The following CFAP299 variants were observed in gnomAD, a reference collection of about 807,000 sequenced individuals.
CFAP299 encodes cilia and flagella associated protein 299, also known as cilia- and flagella-associated protein 299.
Under a neutral mutation model 27.0 loss-of-function variants are expected in CFAP299, and 21 were observed. The observed-to-expected ratio is 0.78, with a 90% CI of 0.55 to 1.12. The LOEUF (loss-of-function observed/expected upper bound fraction) is 1.12, where lower values mean the gene tolerates loss of function less well. Among genes scored for constraint, CFAP299 ranks in the 50% most tolerant of loss-of-function variants. CFAP299 has a pLI of 0.00. For synonymous variants in CFAP299, 104 were observed against 98.1 expected (o/e 1.06, Z -0.36); for missense variants, 310 against 276.6 (o/e 1.12, Z -0.86).
intron 3 of CFAP299, among the ~76,000 whole-genome samples, chr4:80,719,885 CATGTCTTG>C (rs1264352443): frequency 6.6e-6 from 1 of 152,148 alleles, no homozygotes; most frequent in East Asian, 1.9e-4. Flanking sequence ...AATAAAACTC[CATGTCTTG>C]ATAAAAAATA....
intron 2 of CFAP299, among the ~76,000 whole-genome samples, chr4:80,527,665 T>C (rs142878826): frequency 6.6e-6 from 1 of 152,168 alleles, no homozygotes; most frequent in South Asian, 2.1e-4. Flanking sequence ...TCACCGAAAC[T>C]GCATGACCCT....
chr4:80,765,311 T>C (rs1283246056), intron 3 of CFAP299, among the ~76,000 whole-genome samples: 1 of 152,116 alleles, frequency 6.6e-6, no homozygotes, highest in Non-Finnish European at 1.5e-5. Flanking sequence ...TCTCAGGAAG[T>C]TGGTCTTTAT....
chr4:80,771,377 G>T (rs1726206752), intron 3 of CFAP299, among the ~76,000 whole-genome samples: 1 of 152,154 alleles, frequency 6.6e-6, no homozygotes, highest in South Asian at 2.1e-4. Context: ...ATTTGGTACA[G>T]ACAAACTTAC....
chr4:80,340,825 G>T (rs1370057342), intron 1 of CFAP299, among the ~76,000 whole-genome samples: 1 of 151,918 alleles, frequency 6.6e-6, no homozygotes, highest in East Asian at 1.9e-4. Context: ...GCCCAGGCTG[G>T]AGTGCAATGG....
At chr4:80,338,053 A>G (rs1722243418) in intron 1 of CFAP299, among the ~76,000 whole-genome samples, 1 of 152,118 alleles carries the variant, frequency 6.6e-6, no homozygotes, top group South Asian at 2.1e-4. Flanking sequence ...TGTTTCACAA[A>G]TCATGGATCA....
At chr4:80,843,620 C>G (rs1365746565) in intron 3 of CFAP299, among the ~76,000 whole-genome samples, 3 of 151,974 alleles carry the variant, frequency 2.0e-5, no homozygotes, top group East Asian at 1.9e-4. Context: ...GGGTCAAATA[C>G]TATTTCTAGT....
chr4:80,583,550 G>A (rs1305808750), intron 3 of CFAP299, among the ~76,000 whole-genome samples: 4 of 151,804 alleles, frequency 2.6e-5, no homozygotes, highest in African/African-American at 2.4e-5. Context: ...GATTTTATGT[G>A]ACTTCTAGAA....
rs1331410165 is a variant in CFAP299 at position 80,550,760 on chromosome 4, AACACACACACACACACACACACACGCAC to A, written c.243-32322_243-32295del. ...TAAGTACTTAAAGGTATTAACTCAA[AACACACACACACACACACACACACGCAC>A]ACACACACACGCATACACATGCATA... On this transcript the variant is annotated intron_variant, in intron 2 of 5. Coordinates refer to ENST00000358105, the MANE Select transcript of CFAP299 (RefSeq NM_152770.3). Among the ~76,000 whole-genome samples the A allele has an allele frequency of 5.4e-5, 8 of 148,812 alleles. No homozygotes were observed. In the East Asian group the frequency reaches 1.6e-3, roughly 29 times the overall value.
At chr4:80,922,851 TATAA>T (rs1560478167) in intron 4 of CFAP299, among the ~76,000 whole-genome samples, 1 of 148,950 alleles carries the variant, frequency 6.7e-6, no homozygotes, top group East Asian at 2.0e-4. Flanking sequence ...AAAATATTAG[TATAA>T]ATATTTTAAA....
chr4:80,936,994 G>C (rs938938301), intron 4 of CFAP299, among the ~76,000 whole-genome samples: 1 of 151,852 alleles, frequency 6.6e-6, no homozygotes, highest in African/African-American at 2.4e-5. Context: ...CAAATCCTCT[G>C]TATTTTATTC....
In CFAP299 at chr4:80,551,353, T is replaced by C. The variant is rs551099891; in HGVS notation, c.243-31740T>C. Among the ~76,000 whole-genome samples the C allele has an allele frequency of 5.3e-5, 8 of 152,300 alleles. No homozygotes were observed. In the East Asian group the frequency reaches 1.5e-3, roughly 29 times the overall value. On this transcript the variant is annotated intron_variant, in intron 2 of 5. Transcript: ENST00000358105. ...TCAAAATGATTAACAGCCTACACTT[T>C]AGAAAATAACTTCCTAATGCAATTG...
chr4:80,467,433 C>T (rs988274781), intron 2 of CFAP299, among the ~76,000 whole-genome samples: 4 of 152,148 alleles, frequency 2.6e-5, no homozygotes, highest in African/African-American at 7.2e-5. Context: ...ATTTCCTCTA[C>T]AGATGAATAG....
At chr4:80,415,452 T>C (rs1308694677) in intron 2 of CFAP299, among the ~76,000 whole-genome samples, 1 of 152,230 alleles carries the variant, frequency 6.6e-6, no homozygotes, top group Non-Finnish European at 1.5e-5. Flanking sequence ...ATATTGAATC[T>C]GAATGAAATA....
At chr4:80,445,981 CG>C (rs1478357199) in intron 2 of CFAP299, among the ~76,000 whole-genome samples, 1 of 152,102 alleles carries the variant, frequency 6.6e-6, no homozygotes, top group African/African-American at 2.4e-5. Context: ...TCTTTCACTC[CG>C]CCTGAAAGTT....
chr4:80,401,657 G>A (rs544280289), intron 2 of CFAP299, among the ~76,000 whole-genome samples: 1 of 152,342 alleles, frequency 6.6e-6, no homozygotes, highest in Admixed American at 6.5e-5. Context: ...CTCTGCTAGG[G>A]CAGTGTGGAA....
At chr4:80,932,800 G>A (rs1478873497) in intron 4 of CFAP299, among the ~76,000 whole-genome samples, 3 of 152,072 alleles carry the variant, frequency 2.0e-5, no homozygotes, top group African/African-American at 7.2e-5. Context: ...TGATTGCCCA[G>A]GATAGTCCAA....
At chr4:80,394,194 G>T (rs1001305832) in intron 2 of CFAP299, among the ~76,000 whole-genome samples, 1 of 152,092 alleles carries the variant, frequency 6.6e-6, no homozygotes, top group African/African-American at 2.4e-5. Context: ...CCAGTCTCTG[G>T]TACTTCTTTA....
At chr4:80,648,706 T>C (rs1415590202) in intron 3 of CFAP299, among the ~76,000 whole-genome samples, 1 of 152,140 alleles carries the variant, frequency 6.6e-6, no homozygotes, top group African/African-American at 2.4e-5. Flanking sequence ...CAAAAGTTAC[T>C]CAGATTTTCT....
Position 80,941,836 on chromosome 4 carries a change from A to G in CFAP299, c.477-2974A>G, listed in dbSNP as rs1435543434. On this transcript the variant is annotated intron_variant, in intron 4 of 5. Transcript: ENST00000358105. ...TTGGAGCAGGAAGAAGAAAGAGACA[A>G]GGGAGGTGTACACACTTTTAAACAA... Among the ~76,000 whole-genome samples, 5 of 152,272 alleles carry G rather than the reference A, an allele frequency of 3.3e-5. No individual in the cohort carries two copies. The East Asian group carries it at 9.7e-4, about 29-fold the overall frequency.
Sources: allele counts gnomAD v4.1 joint callset (sites outside exome capture counted in the v4.1 genomes callset), GRCh38; gene constraint gnomAD v4.1.1; transcripts MANE v1.5; gene names NCBI Gene and HGNC (gene_info 2026-07-23, HGNC 2026-07-21).